The following ZMYM2 variants were observed in gnomAD, a reference collection of about 807,000 sequenced individuals.
ZMYM2 encodes the protein zinc finger MYM-type containing 2, also known as zinc finger MYM-type protein 2.
ZMYM2 carries 56 observed loss-of-function variants against 162.8 expected under a neutral mutation model. That is an observed-to-expected ratio of 0.34 (90% CI 0.28 to 0.43). ZMYM2 has a LOEUF of 0.43. Among genes scored for constraint, ZMYM2 ranks in the 20% least tolerant of loss-of-function variants. The pLI is 1.00. For missense variants in ZMYM2, 1,275 were observed against 1,621.8 expected (o/e 0.79, Z 3.67); for synonymous variants, 510 against 541.6 (o/e 0.94, Z 0.81).
chr13:19,915,564 C>T, the ZMYM2 span, among the ~76,000 whole-genome samples: 1 of 151,824 alleles, frequency 6.6e-6, no homozygotes, highest in Non-Finnish European at 1.5e-5. Context: ...AGTCAAATGG[C>T]ATAATCTCAG....
the ZMYM2 span, among the ~76,000 whole-genome samples, chr13:19,865,279 A>G: frequency 6.6e-6 from 1 of 152,230 alleles, no homozygotes; most frequent in East Asian, 1.9e-4. Context: ...GTTTTAAGAA[A>G]ATTTACAAAT....
intron 12 of ZMYM2, among the ~76,000 whole-genome samples, chr13:20,039,279 AT>A: frequency 6.6e-6 from 1 of 151,942 alleles, no homozygotes; most frequent in Non-Finnish European, 1.5e-5. Flanking sequence ...CTCTTTCGTG[AT>A]TGCTCTGGCC....
At chr13:20,084,959 G>T (rs1205792555) in intron 24 of ZMYM2, among the ~76,000 whole-genome samples, 2 of 152,154 alleles carry the variant, frequency 1.3e-5, no homozygotes, top group Non-Finnish European at 2.9e-5. Context: ...TTAGATTTCA[G>T]ATTTTTTCGG....
the ZMYM2 span, among the ~76,000 whole-genome samples, chr13:19,899,243 G>A: frequency 1.3e-5 from 2 of 150,184 alleles, no homozygotes; most frequent in African/African-American, 4.9e-5. Context: ...GAGCCACCAC[G>A]CCTGGTGCAA....
the ZMYM2 span, among the ~76,000 whole-genome samples, chr13:19,929,995 A>C: frequency 1.3e-5 from 2 of 152,344 alleles, no homozygotes; most frequent in Non-Finnish European, 2.9e-5. Context: ...ATGGTAGTTC[A>C]TGCCTGTAAT....
the ZMYM2 span, among the ~76,000 whole-genome samples, chr13:19,904,874 T>C: frequency 2.0e-5 from 3 of 152,204 alleles, no homozygotes; most frequent in Admixed American, 6.5e-5. Context: ...TTAATTCCTT[T>C]TTAAGCAGAA....
intron 3 of ZMYM2, among the ~76,000 whole-genome samples, chr13:19,997,265 T>G (rs1380697585): frequency 6.6e-6 from 1 of 152,230 alleles, no homozygotes; most frequent in Non-Finnish European, 1.5e-5. Context: ...TTGCATTGTT[T>G]CCCATATTTT....
At chr13:20,030,014 C>G (rs962354889) in intron 9 of ZMYM2, among the ~76,000 whole-genome samples, 1 of 151,878 alleles carries the variant, frequency 6.6e-6, no homozygotes, top group East Asian at 1.9e-4. Flanking sequence ...AGGCTGGTCT[C>G]GAACTCCTGA....
the ZMYM2 span, among the ~76,000 whole-genome samples, chr13:19,942,539 CA>C: frequency 6.2e-3 from 355 of 57,264 alleles, 1 homozygote; most frequent in Admixed American, 8.2e-3. Context: ...ACCGTCTCTA[CA>C]AAAAAAAAAA....
At chr13:19,875,938 A>T in the ZMYM2 span, among the ~76,000 whole-genome samples, 2 of 152,182 alleles carry the variant, frequency 1.3e-5, no homozygotes, top group African/African-American at 4.8e-5. Context: ...CACACAAAAT[A>T]TCCTAAATGA....
At chr13:19,895,970 A>G in the ZMYM2 span, among the ~76,000 whole-genome samples, 1 of 151,838 alleles carries the variant, frequency 6.6e-6, no homozygotes, top group Non-Finnish European at 1.5e-5. Flanking sequence ...AACATTAATG[A>G]ACCTTGAAGA....
rs201957643 is a variant in ZMYM2, at chr13:19,981,270, C to A, written c.-10-11793C>A. Among the ~76,000 whole-genome samples the A allele has an allele frequency of 3.6e-4, 54 of 148,058 alleles. 2 individuals carry two copies. The East Asian group carries it at 0.011, about 30-fold the overall frequency. On this transcript the variant is annotated intron_variant, in intron 2 of 24. Transcript: ENST00000610343. ...CTAGGTTGCCAGTGAGACCCTGCCT[C>A]TAAAAAACAGAAAAAACAAAAAACA...
At chr13:19,955,984 A>G (rs916028173), upstream of ZMYM2, among the ~76,000 whole-genome samples, 1 of 152,170 alleles carries the variant, frequency 6.6e-6, no homozygotes, top group Non-Finnish European at 1.5e-5. Flanking sequence ...TTAGTTGTGG[A>G]TTTATTGAGA....
chr13:20,058,768 G>T, intron 15 of ZMYM2, 64 bp downstream of exon 15: 1 of 1,584,330 alleles, frequency 6.3e-7, no homozygotes, highest in Non-Finnish European at 8.6e-7. Context: ...TGAAATACAT[G>T]CTTTTCTTGA....
At chr13:20,055,289 G>C (rs1319087607) in intron 14 of ZMYM2, among the ~76,000 whole-genome samples, 1 of 152,168 alleles carries the variant, frequency 6.6e-6, no homozygotes, top group Non-Finnish European at 1.5e-5. Flanking sequence ...CGATACTTAA[G>C]TGCTTTCACA....
At position 20,027,326 on chromosome 13, in the gene ZMYM2, G is replaced by A. The variant is rs1014825958; in HGVS notation, c.1851+8G>A. Reference sequence around the variant, plus strand: ...TGTGTGGCTAAATTTCAGGTTTGTCGTTTATTTTGCATAACCCATGCCCCC... The same window carrying A: ...TGTGTGGCTAAATTTCAGGTTTGTCATTTATTTTGCATAACCCATGCCCCC... On this transcript the variant is annotated splice_region_variant and intron_variant, in intron 9 of 24. Coordinates refer to ENST00000610343, the MANE Select transcript of ZMYM2 (RefSeq NM_197968.4). The A allele has an allele frequency of 2.2e-5, 34 of 1,548,134 alleles. No homozygotes were observed. The highest frequency in any genetic ancestry group is 1.2e-4 in the Admixed American group (6 of 51,352).
intron 19 of ZMYM2, 166 bp from the exon 20 acceptor site, chr13:20,066,685 G>A (rs1956703872): frequency 1.9e-6 from 1 of 536,414 alleles, no homozygotes; most frequent in Non-Finnish European, 3.0e-6. Context: ...AGGTTGGAGA[G>A]GCAGGCACAC....
At chr13:19,976,211 C>T (rs1956773023) in intron 2 of ZMYM2, among the ~76,000 whole-genome samples, 1 of 151,392 alleles carries the variant, frequency 6.6e-6, no homozygotes, top group Non-Finnish European at 1.5e-5. Context: ...GCCTGTAGTC[C>T]CAGCTACTTG....
intron 21 of ZMYM2, among the ~76,000 whole-genome samples, chr13:20,075,670 CTTTTTTTTTTTTTTTTTTTT>C (rs56664916): frequency 4.0e-5 from 3 of 75,738 alleles, no homozygotes; most frequent in African/African-American, 1.1e-4. Context: ...CTATAGACAC[CTTTTTTTTTTTTTTTTTTTT>C]TTTTTTTTTT....
Sources: allele counts gnomAD v4.1 joint callset (sites outside exome capture counted in the v4.1 genomes callset), GRCh38; gene constraint gnomAD v4.1.1; transcripts MANE v1.5; gene names NCBI Gene and HGNC (gene_info 2026-07-23, HGNC 2026-07-21).